The following TGM2 variants were observed in gnomAD, a reference collection of about 807,000 sequenced individuals.
TGM2 encodes the protein transglutaminase 2.
Under a neutral mutation model 75.6 loss-of-function variants are expected in TGM2, and 53 were observed. The observed-to-expected ratio is 0.70, with a 90% CI of 0.56 to 0.88. TGM2 has a LOEUF of 0.88. Ranked by LOEUF, TGM2 falls within the 40% of genes least tolerant of loss-of-function variation. The pLI, the probability that TGM2 is intolerant of heterozygous loss-of-function variation, is 0.00. For missense variants in TGM2, 842 were observed against 928.5 expected (o/e 0.91, Z 1.21); for synonymous variants, 374 against 381.1 (o/e 0.98, Z 0.22).
chr20:38,165,157 T>G lies in TGM2; in HGVS notation c.10+32A>C, dbSNP rs769735620. 34 of 1,613,162 alleles carry G rather than the reference T, an allele frequency of 2.1e-5. 1 individual carries two copies. In the South Asian group the frequency reaches 3.6e-4, roughly 17 times the overall value. ...CTGACCCCCAATGCCCCGGGGCCCC[T>G]GAGTGGCGGCTGCGGTGACTCTGAT... On this transcript the variant is annotated intron_variant, in intron 1 of 12. Coordinates refer to ENST00000361475, the MANE Select transcript of TGM2 (RefSeq NM_004613.4).
intron 11 of TGM2, among the ~76,000 whole-genome samples, chr20:38,132,129 G>A (rs979153520): frequency 3.3e-5 from 5 of 152,098 alleles, no homozygotes; most frequent in Admixed American, 6.5e-5. Flanking sequence ...AACACTCTGG[G>A]ATTTTCAGAT....
At chr20:38,132,530 T>A (rs1219868574) in intron 10 of TGM2, 30 bp from the exon 11 acceptor site, 2 of 1,613,634 alleles carry the variant, frequency 1.2e-6, no homozygotes, top group East Asian at 4.5e-5. Flanking sequence ...AGGGTGCTCA[T>A]GATGCAGAAT....
At chr20:38,140,147 C>G (rs1271666021) in intron 8 of TGM2, among the ~76,000 whole-genome samples, 1 of 152,376 alleles carries the variant, frequency 6.6e-6, no homozygotes, top group East Asian at 1.9e-4. Flanking sequence ...CCGCATGGGG[C>G]CAGCCCCAGG....
chr20:38,147,913 G>A (rs1433412799), intron 5 of TGM2, 48 bp downstream of exon 5: 1 of 1,582,792 alleles, frequency 6.3e-7, no homozygotes, highest in Non-Finnish European at 8.6e-7. Context: ...AGGCCTGCGG[G>A]AGCCCCCTGT....
upstream of TGM2, among the ~76,000 whole-genome samples, chr20:38,165,738 A>G (rs2235582): frequency 0.47 from 70,646 of 151,202 alleles, 18,999 homozygotes; most frequent in Non-Finnish European, 0.62. Context: ...ATACATACAC[A>G]GAGAGCAGAC....
intron 1 of TGM2, among the ~76,000 whole-genome samples, chr20:38,163,068 G>A (rs2075272587): frequency 1.3e-5 from 2 of 152,152 alleles, no homozygotes; most frequent in African/African-American, 4.8e-5. Flanking sequence ...CTTCCCCACG[G>A]CCCAGCCCAG....
intron 5 of TGM2, 51 bp downstream of exon 5, chr20:38,147,910 C>A (rs747525867): frequency 5.1e-6 from 8 of 1,578,108 alleles, no homozygotes; most frequent in Admixed American, 1.9e-5. Flanking sequence ...GAGAGGCCTG[C>A]GGGAGCCCCC....
chr20:38,137,882 G>T, intron 10 of TGM2: 2 of 934,606 alleles, frequency 2.1e-6, no homozygotes, highest in Non-Finnish European at 1.5e-6. Context: ...ACCTCTCTGT[G>T]CCTCAGTCTA....
intron 11 of TGM2, 63 bp downstream of exon 11, chr20:38,132,277 A>C: frequency 6.3e-7 from 1 of 1,579,664 alleles, no homozygotes; most frequent in Non-Finnish European, 8.7e-7. Flanking sequence ...GGGGGTAGGG[A>C]TCTGCCCTCT....
rs138893457 is a variant in TGM2, at chr20:38,131,167, G to C, written c.1839C>G (p.Leu613=). The C allele has an allele frequency of 6.2e-7, 1 of 1,613,718 alleles. No homozygotes were observed. The highest frequency in any genetic ancestry group is 1.3e-5 in the African/African-American group (1 of 74,874). Reference sequence around the variant, plus strand: ...AGGTGCAGCCTTCCAGGGCCACAGGGAGCGGGTTCTGCAGGGACACCTCAG... The same window carrying C: ...AGGTGCAGCCTTCCAGGGCCACAGGCAGCGGGTTCTGCAGGGACACCTCAG... The part of the protein sequence containing the change: ...LVAEVSLQNP[L]PVALEGCTFT... The change falls in exon 12 of 13, where the codon CTC becomes CTG. Residue 613 remains leucine, a synonymous_variant. Coordinates refer to ENST00000361475, the MANE Select transcript of TGM2 (RefSeq NM_004613.4).
Position 38,139,452 on chromosome 20 carries a change from G to T in TGM2, c.1302C>A (p.Asp434Glu), listed in dbSNP as rs535280479. ...AGGTGTGGGTGATATCCTCCCGCTC[G>T]TCTCGGCCCACGCTCTTAGTGCTGA... ...LKISTKSVGRDEREDITHTYK... is the reference protein window; with the variant it reads ...LKISTKSVGREEREDITHTYK... Residue 434 changes from aspartate to glutamate, a missense_variant, in exon 9 of 13, where the codon GAC (aspartate) becomes GAA (glutamate). Coordinates refer to ENST00000361475, the MANE Select transcript of TGM2 (RefSeq NM_004613.4). The T allele has an allele frequency of 1.9e-6, 3 of 1,614,172 alleles. No homozygotes were observed. Among genetic ancestry groups the T allele is most frequent in the Non-Finnish European group, 2.5e-6 (3 of 1,180,040 alleles).
At chr20:38,160,063 A>T (rs1209696114) in intron 2 of TGM2, among the ~76,000 whole-genome samples, 1 of 152,206 alleles carries the variant, frequency 6.6e-6, no homozygotes, top group African/African-American at 2.4e-5. Flanking sequence ...GCCCCTGGGC[A>T]GTGGGTGTGT....
chr20:38,142,342 C>T, intron 6 of TGM2, 143 bp from the exon 7 acceptor site: 2 of 1,309,740 alleles, frequency 1.5e-6, no homozygotes, highest in Non-Finnish European at 2.1e-6. Context: ...CCTGCCGGGA[C>T]AATGGCGCCC....
At chr20:38,164,763 C>G (rs2075292514) in intron 1 of TGM2, among the ~76,000 whole-genome samples, 1 of 152,126 alleles carries the variant, frequency 6.6e-6, no homozygotes, top group Non-Finnish European at 1.5e-5. Flanking sequence ...AGGACTCAGC[C>G]AGGCTTGGCT....
In TGM2 at chr20:38,130,183, G is replaced by T. The variant is rs769016891; in HGVS notation, c.*36C>A. ...AGCTTGGGATAAGGATTGGGATCAA[G>T]GTGGGGGCTCTCAGCAGGCTGGGAG... On this transcript the variant is annotated 3_prime_UTR_variant, in exon 13 of 13. Transcript: ENST00000361475. 4.3e-6 allele frequency: 7 copies of T among 1,612,098 alleles called. No homozygotes were observed. In the East Asian group the frequency reaches 1.6e-4, roughly 36 times the overall value.
chr20:38,131,358 C>T lies in TGM2; in HGVS notation c.1777-129G>A, dbSNP rs538788450. The T allele has an allele frequency of 2.9e-5, 36 of 1,227,432 alleles. 2 individuals are homozygous for T. Among genetic ancestry groups the T allele is most frequent in the African/African-American group, 2.6e-4 (13 of 50,680 alleles). The allele number at this position is 1,227,432 out of a possible 1,614,324, so 76.0% of individuals were successfully genotyped here. A position where few individuals can be genotyped will look rare whatever the true frequency, so the allele number is the denominator to read the frequency against. ...CAGGTCTGCCACGATCACCCCCCCT[C>T]CCCCCACCTCTGTGCCTCAGTTTCT... On this transcript the variant is annotated intron_variant, in intron 11 of 12. Transcript: ENST00000361475.
At chr20:38,141,534 C>A in intron 7 of TGM2, 149 bp from the exon 8 acceptor site, 1 of 693,972 alleles carries the variant, frequency 1.4e-6, no homozygotes, top group Admixed American at 2.1e-5. Context: ...CCTTGTTCTT[C>A]CCCCCACGGG....
intron 10 of TGM2, among the ~76,000 whole-genome samples, chr20:38,137,345 C>T (rs908166828): frequency 1.3e-5 from 2 of 152,138 alleles, no homozygotes; most frequent in African/African-American, 4.8e-5. Context: ...ATTAGCTGGG[C>T]ATGGTGGTGC....
intron 12 of TGM2, among the ~76,000 whole-genome samples, chr20:38,130,651 T>G (rs1049299368): frequency 1.3e-5 from 2 of 152,224 alleles, no homozygotes; most frequent in Non-Finnish European, 2.9e-5. Context: ...GAGCTGTACA[T>G]AGGTGATCTG....
Sources: gnomAD v4.1 joint callset for allele counts (sites outside exome capture counted in the v4.1 genomes callset) on GRCh38, gnomAD v4.1.1 for gene constraint, MANE v1.5 for transcripts, NCBI Gene and HGNC (gene_info 2026-07-23, HGNC 2026-07-21) for gene names.